Variants in NAA60 observed in about 807,000 individuals in gnomAD.
NAA60 encodes the protein N-alpha-acetyltransferase 60, NatF catalytic subunit.
In NAA60, 8 loss-of-function variants were observed where a neutral mutation model predicts 26.1. That is an observed-to-expected ratio of 0.31 (90% CI 0.18 to 0.55). The LOEUF is 0.55. NAA60 is among the 20% of genes least tolerant of loss of function. NAA60 has a pLI of 0.93. For synonymous variants in NAA60, 131 were observed against 122.5 expected, an observed-to-expected ratio of 1.07 and a Z score of -0.46; for missense variants, 290 against 311.3, an observed-to-expected ratio of 0.93 and a Z score of 0.51.
intron 1 of NAA60, among the ~76,000 whole-genome samples, 174 bp from the exon 2 acceptor site, chr16:3,448,297 G>C (rs1478596295): frequency 6.8e-6 from 1 of 148,028 alleles, no homozygotes; most frequent in Non-Finnish European, 1.5e-5. Flanking sequence ...AAAAAAACAT[G>C]GGTTGCTTTG....
At position 3,484,997 on chromosome 16, in the gene NAA60, C is replaced by T. The variant is rs371656027; in HGVS notation, c.*142C>T. ...CGTCGGCCTGCCCCAGCTGCAGGCC[C>T]GGTGCTACACGGGCTCGGGAACAGA... is the stretch of plus-strand genomic sequence containing the variant. On this transcript the variant is annotated 3_prime_UTR_variant, in exon 7 of 8. Transcript: ENST00000407558. 2.8e-4 allele frequency: 427 copies of T among 1,525,378 alleles called. No individual in the cohort carries two copies. In the East Asian group the frequency reaches 4.0e-3, roughly 14 times the overall value. The allele number at this position is 1,525,378 out of a possible 1,614,324, so 94.5% of individuals were successfully genotyped here.
At position 3,479,430 on chromosome 16, in the gene NAA60, T is replaced by G. The variant is rs757490898; in HGVS notation, c.111-41T>G. 10 of 1,606,984 alleles carry G rather than the reference T, an allele frequency of 6.2e-6. No individual in the cohort carries two copies. In the South Asian group the frequency reaches 1.0e-4, roughly 16 times the overall value. On this transcript the variant is annotated intron_variant, in intron 3 of 7. Transcript: ENST00000407558. ...TCTAGAGCACGACCATAGTTGGACT[T>G]GACCTGTGGCAGGTTCACCTGAGTA...
At chr16:3,471,353 A>G (rs952883673) in intron 2 of NAA60, among the ~76,000 whole-genome samples, 2 of 152,024 alleles carry the variant, frequency 1.3e-5, no homozygotes, top group African/African-American at 2.4e-5. Flanking sequence ...TACCAAAAAA[A>G]TTAGCCAGGT....
chr16:3,445,128 C>T (rs888990577), intron 1 of NAA60, among the ~76,000 whole-genome samples: 19 of 152,138 alleles, frequency 1.2e-4, no homozygotes, highest in African/African-American at 4.6e-4. Flanking sequence ...TAAGAACAAA[C>T]TTGCCTACAG....
upstream of NAA60, chr16:3,443,664 C>T (rs961242625): frequency 7.4e-7 from 1 of 1,351,204 alleles, no homozygotes; most frequent in Non-Finnish European, 9.6e-7. Context: ...TCCTCCTTTT[C>T]TCTAAGCAAC....
intron 2 of NAA60, among the ~76,000 whole-genome samples, chr16:3,450,339 T>C (rs1385430159): frequency 6.6e-6 from 1 of 151,950 alleles, no homozygotes; most frequent in African/African-American, 2.4e-5. Flanking sequence ...CTGGGAAAAA[T>C]GTTCTCAGGG....
rs780101754 is a variant in NAA60 at position 3,479,559 on chromosome 16, A to G, written c.199A>G (p.Ile67Val). The change falls in exon 4 of 8, where the codon ATA (isoleucine) becomes GTA (valine). Residue 67 changes from isoleucine (I) to valine (V), a missense_variant. Coordinates refer to ENST00000407558, the MANE Select transcript of NAA60 (RefSeq NM_001083601.3). ...ATYRGAIVGMIVAEIKNRTKI... is the reference protein window; with the variant it reads ...ATYRGAIVGMVVAEIKNRTKI... ...CTACAGAGGTGCCATTGTGGGAATG[A>G]TAGTAGCTGAAATTAAGAACAGGAC... 1.2e-6 allele frequency: 2 copies of G among 1,614,050 alleles called. No individual in the cohort carries two copies. The highest frequency in any genetic ancestry group is 1.7e-6 in the Non-Finnish European group (2 of 1,179,884).
chr16:3,475,688 T>C (rs936349885), intron 2 of NAA60, among the ~76,000 whole-genome samples: 2 of 152,106 alleles, frequency 1.3e-5, no homozygotes, highest in African/African-American at 4.8e-5. Flanking sequence ...GGAGGAGAAA[T>C]TGGGGTGTGA....
In NAA60 at chr16:3,474,948, T is replaced by G. The variant is rs191814477; in HGVS notation, c.-6-1274T>G. On this transcript the variant is annotated intron_variant, in intron 2 of 7. Coordinates refer to ENST00000407558, the MANE Select transcript of NAA60 (RefSeq NM_001083601.3). ...TTTTCCCATTTATTTATGGGTTTGT[T>G]TATTTATTTATTTTTAGAGACAGGG... Among the ~76,000 whole-genome samples, 255 of 147,162 alleles carry G rather than the reference T, an allele frequency of 1.7e-3. 1 individual carries two copies. The highest frequency in any genetic ancestry group is 2.7e-3 in the Non-Finnish European group (185 of 67,994).
At chr16:3,450,603 G>C (rs555870321) in intron 2 of NAA60, among the ~76,000 whole-genome samples, 165 of 151,888 alleles carry the variant, frequency 1.1e-3, no homozygotes, top group African/African-American at 3.7e-3. Context: ...GGGAGGCTGA[G>C]GCAGGAGAAT....
intron 5 of NAA60, among the ~76,000 whole-genome samples, chr16:3,483,117 G>GT (rs1409402626): frequency 2.0e-4 from 31 of 152,216 alleles, no homozygotes; most frequent in African/African-American, 7.5e-4. Flanking sequence ...GAGTCTCCAT[G>GT]CGGGCCCAGC....
chr16:3,481,399 A>G (rs1419154245), intron 4 of NAA60, among the ~76,000 whole-genome samples: 1 of 152,038 alleles, frequency 6.6e-6, no homozygotes, highest in African/African-American at 2.4e-5. Flanking sequence ...CTCTCTTGTT[A>G]ATGGGACACG....
At chr16:3,457,895 C>G (rs988556495) in intron 2 of NAA60, 2 of 828,948 alleles carry the variant, frequency 2.4e-6, no homozygotes, top group Non-Finnish European at 2.9e-6. Flanking sequence ...GGCCTGGCTT[C>G]GCACGGAGCC....
At chr16:3,474,234 C>T (rs905729043) in intron 2 of NAA60, among the ~76,000 whole-genome samples, 3 of 152,206 alleles carry the variant, frequency 2.0e-5, no homozygotes, top group Admixed American at 1.3e-4. Context: ...CTGCTCAGGA[C>T]GTCAGTGCTG....
At chr16:3,481,567 G>T (rs2036838215) in intron 4 of NAA60, among the ~76,000 whole-genome samples, 1 of 152,152 alleles carries the variant, frequency 6.6e-6, no homozygotes, top group Non-Finnish European at 1.5e-5. Context: ...GGCCGACATG[G>T]GGACCCTTTG....
intron 6 of NAA60, 170 bp downstream of exon 6, chr16:3,483,767 G>A: frequency 1.6e-6 from 1 of 619,584 alleles, no homozygotes; most frequent in Non-Finnish European, 2.8e-6. Flanking sequence ...ACACACATTT[G>A]GGTAAATCGA....
intron 6 of NAA60, chr16:3,483,875 G>A: frequency 2.1e-6 from 1 of 483,152 alleles, no homozygotes; most frequent in Non-Finnish European, 3.7e-6. Context: ...TTATAGGCAT[G>A]AGCCCTGCAC....
In NAA60 at chr16:3,486,428, C is replaced by T. The variant is rs1247018287; in HGVS notation, c.*1168C>T. ...GAGGAGGAGGGAGAGGGAGGAACAA[C>T]CCTGGGCAGACGGGGCCTCAGGGAC... On this transcript the variant is annotated 3_prime_UTR_variant, in exon 8 of 8. Transcript: ENST00000407558. 2 of 152,712 alleles carry T rather than the reference C, an allele frequency of 1.3e-5. No individual in the cohort carries two copies. The highest frequency in any genetic ancestry group is 4.8e-5 in the African/African-American group (2 of 41,450). The allele number at this position is 152,712 out of a possible 1,614,324, so 9.5% of individuals were successfully genotyped here.
In NAA60 at chr16:3,476,400, G is replaced by A. The variant is rs2036485926; in HGVS notation, c.110+63G>A. 9 of 1,409,200 alleles carry A rather than the reference G, an allele frequency of 6.4e-6. No individual in the cohort carries two copies. The South Asian group carries it at 9.9e-5, about 15-fold the overall frequency. 87.3% of individuals were successfully genotyped at this position (1,409,200 alleles called of 1,614,324 possible). On this transcript the variant is annotated intron_variant, in intron 3 of 7. Coordinates refer to ENST00000407558, the MANE Select transcript of NAA60 (RefSeq NM_001083601.3). ...GAGCCTCAGGTGCAGAAGCTGGGCGGCGGGGGTGGGGGCCTCTTGGGCCCT... is the reference window on the plus strand; with the variant it reads ...GAGCCTCAGGTGCAGAAGCTGGGCGACGGGGGTGGGGGCCTCTTGGGCCCT...
Sources: allele counts gnomAD v4.1 joint callset (sites outside exome capture counted in the v4.1 genomes callset), GRCh38; gene constraint gnomAD v4.1.1; transcripts MANE v1.5; gene names NCBI Gene and HGNC (gene_info 2026-07-23, HGNC 2026-07-21).